MYO7A: variants seen among roughly 807,000 people sequenced by gnomAD.
MYO7A encodes unconventional myosin-VIIa.
In MYO7A, 210 loss-of-function variants were observed where a neutral mutation model predicts 263.8. The observed-to-expected ratio is 0.80, with a 90% CI of 0.71 to 0.89. The LOEUF (loss-of-function observed/expected upper bound fraction) is 0.89, where lower values mean the gene tolerates loss of function less well. Among genes scored for constraint, MYO7A ranks in the 40% least tolerant of loss-of-function variants. The pLI is 0.00. For synonymous variants in MYO7A, 1,239 were observed against 1,197.3 expected, an observed-to-expected ratio of 1.03 and a Z score of -0.72; for missense variants, 2,820 against 2,968.3, an observed-to-expected ratio of 0.95 and a Z score of 1.16.
At chr11:77,135,134 A>G (rs1401604476) in intron 2 of MYO7A, among the ~76,000 whole-genome samples, 2 of 152,146 alleles carry the variant, frequency 1.3e-5, no homozygotes, top group African/African-American at 4.8e-5. Context: ...TACATTCACA[A>G]TGTTGTGTGA....
chr11:77,146,655 G>T (rs1951587445), intron 3 of MYO7A, among the ~76,000 whole-genome samples: 1 of 152,096 alleles, frequency 6.6e-6, no homozygotes, highest in African/African-American at 2.4e-5. Context: ...GGAGCAGGTG[G>T]GGGAGGACAT....
At chr11:77,200,961 C>G (rs890358371) in intron 35 of MYO7A, among the ~76,000 whole-genome samples, 1 of 152,214 alleles carries the variant, frequency 6.6e-6, no homozygotes, top group East Asian at 1.9e-4. Context: ...AAGACAGTGA[C>G]AGGCCTGTGA....
chr11:77,149,047 C>T (rs1591231723), intron 4 of MYO7A, among the ~76,000 whole-genome samples: 1 of 152,316 alleles, frequency 6.6e-6, no homozygotes, highest in East Asian at 1.9e-4. Flanking sequence ...TGGTCCACAC[C>T]CTGACAACTG....
chr11:77,202,749 G>T (rs1437773919), intron 37 of MYO7A, among the ~76,000 whole-genome samples: 2 of 151,716 alleles, frequency 1.3e-5, no homozygotes, highest in Non-Finnish European at 1.5e-5. Context: ...GGCGGGGGGT[G>T]GGGGGCAGTG....
rs1373776817 is a variant in MYO7A, at chr11:77,202,739, G to T, written c.5168+315G>T. ...AGCACTGTGATGAGGATGCTTCTGG[G>T]GCGGGGGGTGGGGGGCAGTGAGAAG... On this transcript the variant is annotated intron_variant, in intron 37 of 48. Coordinates refer to ENST00000409709, the MANE Select transcript of MYO7A (RefSeq NM_000260.4). 2.6e-5 allele frequency among the ~76,000 whole-genome samples: 4 copies of T among 151,886 alleles called. No individual in the cohort carries two copies. In the East Asian group the frequency reaches 7.8e-4, roughly 30 times the overall value.
At position 77,206,298 on chromosome 11, in the gene MYO7A, C is replaced by A; in HGVS notation, c.5742+96C>A. The A allele has an allele frequency of 6.7e-6, 6 of 901,580 alleles. No homozygotes were observed. In the Admixed American group the frequency reaches 1.6e-4, roughly 23 times the overall value. 55.8% of individuals were successfully genotyped at this position (901,580 alleles called of 1,614,324 possible). ...TGGCCTTAAGCCTCTCCCCCATCAC[C>A]TGACATTTGCCGCCTCGTCCTCCTG... On this transcript the variant is annotated intron_variant, in intron 41 of 48. Transcript: ENST00000409709.
chr11:77,190,117 C>A lies in MYO7A; in HGVS notation c.3728C>A (p.Pro1243Gln), dbSNP rs750358148. ...RTFVNGTRTQ[P>Q]PSWLELQATK... ...TTTGTCAATGGGACACGGACACAGCCGCCCAGCTGGCTGGAGCTGCAGGTT... is the reference window on the plus strand; with the variant it reads ...TTTGTCAATGGGACACGGACACAGCAGCCCAGCTGGCTGGAGCTGCAGGTT... The change falls in exon 29 of 49, where the codon CCG becomes CAG. Residue 1243 changes from proline (P) to glutamine (Q), a missense_variant. Pro to Gln is a moderately conservative substitution (Grantham distance 76). Transcript: ENST00000409709. The A allele has an allele frequency of 1.3e-6, 2 of 1,572,194 alleles. No homozygotes were observed. Among genetic ancestry groups the A allele is most frequent in the East Asian group, 4.7e-5 (2 of 42,634 alleles).
Position 77,207,150 on chromosome 11 carries a change from G to A in MYO7A, c.5743-139G>A, listed in dbSNP as rs150742675. On this transcript the variant is annotated intron_variant, in intron 41 of 48. Transcript: ENST00000409709. ...GAGTAGCCCTTTCCTTTTGTTAAAT[G>A]CCATGCCCAGCTCTGTGCCCACAGG... is the stretch of plus-strand genomic sequence containing the variant. 694 of 593,940 alleles carry A rather than the reference G, an allele frequency of 1.2e-3. 6 individuals are homozygous for A. The East Asian group carries it at 0.017, about 14-fold the overall frequency. The allele number at this position is 593,940 out of a possible 1,614,324, so 36.8% of individuals were successfully genotyped here. A position where few individuals can be genotyped will look rare whatever the true frequency, so the allele number is the denominator to read the frequency against.
At chr11:77,165,448 A>G (rs556548316) in intron 14 of MYO7A, among the ~76,000 whole-genome samples, 10 of 152,176 alleles carry the variant, frequency 6.6e-5, no homozygotes, top group Non-Finnish European at 1.5e-4. Flanking sequence ...TTCTGGGTGC[A>G]GAGAATCTCC....
At chr11:77,189,272 G>T in intron 27 of MYO7A, 72 bp from the exon 28 acceptor site, 3 of 1,591,520 alleles carry the variant, frequency 1.9e-6, no homozygotes, top group Non-Finnish European at 1.7e-6. Flanking sequence ...CCCACTGGCT[G>T]CTAGGAGGAG....
intron 4 of MYO7A, among the ~76,000 whole-genome samples, chr11:77,154,838 T>A (rs1229706211): frequency 6.6e-6 from 1 of 152,104 alleles, no homozygotes; most frequent in Non-Finnish European, 1.5e-5. Flanking sequence ...AGCCTGGGTC[T>A]TGGCCCCACC....
Position 77,192,205 on chromosome 11 carries a change from A to T in MYO7A, c.4079A>T (p.Asp1360Val). 1 of 1,614,032 alleles carries T rather than the reference A, an allele frequency of 6.2e-7. No homozygotes were observed. Among genetic ancestry groups the T allele is most frequent in the Non-Finnish European group, 8.5e-7 (1 of 1,179,902 alleles). The change falls in exon 31 of 49, where the codon GAC becomes GTC. Residue 1360 changes from aspartate (D) to valine (V), a missense_variant. Asp to Val is a radical substitution (Grantham distance 152). Transcript: ENST00000409709. ...ACGCCCTGGCACAGCCCCTCCGAGGACAACGTGGCCACCAACCTCATCTAC... is the reference window on the plus strand; with the variant it reads ...ACGCCCTGGCACAGCCCCTCCGAGGTCAACGTGGCCACCAACCTCATCTAC... ...VFTPWHSPSE[D>V]NVATNLIYQQ...
chr11:77,157,432 C>A (rs375076185), intron 8 of MYO7A, 40 bp downstream of exon 8: 733 of 1,419,278 alleles, frequency 5.2e-4, no homozygotes, highest in Middle Eastern at 7.9e-4. Flanking sequence ...GGGCACCCAC[C>A]CTAGGATTGT....
At chr11:77,148,469 C>T (rs1471539851) in intron 4 of MYO7A, among the ~76,000 whole-genome samples, 2 of 152,238 alleles carry the variant, frequency 1.3e-5, no homozygotes, top group African/African-American at 4.8e-5. Flanking sequence ...CCACTCTCCT[C>T]CACCTTCAAA....
chr11:77,175,277 C>T (rs1281990480), intron 17 of MYO7A, 95 bp from the exon 18 acceptor site: 10 of 1,175,690 alleles, frequency 8.5e-6, no homozygotes, highest in African/African-American at 4.5e-5. Context: ...GGGCAGAGCT[C>T]GGGAAGAGCC....
At chr11:77,210,959 C>A in intron 44 of MYO7A, 193 bp from the exon 45 acceptor site, 1 of 572,856 alleles carries the variant, frequency 1.7e-6, no homozygotes. Flanking sequence ...TGAGTCTGTG[C>A]AGGCAGACTT....
intron 41 of MYO7A, 60 bp from the exon 42 acceptor site, chr11:77,207,229 C>T (rs189434438): frequency 3.6e-5 from 46 of 1,274,634 alleles, no homozygotes; most frequent in East Asian, 1.3e-4. Flanking sequence ...CAGAGGGGCC[C>T]GGGAGGACCA....
chr11:77,201,608 C>T lies in MYO7A; in HGVS notation c.5013C>T (p.Pro1671=). The T allele has an allele frequency of 1.2e-6, 2 of 1,613,762 alleles. No individual in the cohort carries two copies. The highest frequency in any genetic ancestry group is 1.1e-5 in the South Asian group (1 of 91,066). The change falls in exon 36 of 49, where the codon CCC becomes CCT. Residue 1671 remains proline (P), a synonymous_variant. Coordinates refer to ENST00000409709, the MANE Select transcript of MYO7A (RefSeq NM_000260.4). ...CCACCGACAGTGTGTACGTCATGCC[C>T]ACTGTCACCATGCCACCGCGGGAGA... is the stretch of plus-strand genomic sequence containing the variant. ...DFPTDSVYVM[P]TVTMPPREIV...
chr11:77,159,413 C>A, intron 9 of MYO7A, 34 bp from the exon 10 acceptor site: 5 of 1,312,956 alleles, frequency 3.8e-6, no homozygotes, highest in Non-Finnish European at 5.5e-6. Context: ...GCCCACCCTC[C>A]CTCCCCTGAT....
Sources: gnomAD v4.1 joint callset for allele counts (sites outside exome capture counted in the v4.1 genomes callset) on GRCh38, gnomAD v4.1.1 for gene constraint, MANE v1.5 for transcripts, NCBI Gene and HGNC (gene_info 2026-07-23, HGNC 2026-07-21) for gene names.